Variants in CCNC observed in about 807,000 individuals in gnomAD.
The protein encoded by CCNC is cyclin-C.
A neutral mutation model predicts 50.0 loss-of-function variants in CCNC; 19 were observed. That is an observed-to-expected ratio of 0.38 (90% CI 0.27 to 0.56). The LOEUF (loss-of-function observed/expected upper bound fraction) is 0.56. Ranked by LOEUF, CCNC falls within the 20% of genes least tolerant of loss-of-function variation. The pLI is 0.72. For synonymous variants in CCNC, 93 were observed against 103.7 expected (o/e 0.90, Z 0.63); for missense variants, 200 against 327.1 (o/e 0.61, Z 3.00).
intron 9 of CCNC, among the ~76,000 whole-genome samples, chr6:99,546,979 C>T (rs1483072062): frequency 6.6e-6 from 1 of 152,070 alleles, no homozygotes. Flanking sequence ...GAAAGCTGGG[C>T]ACATCCTTAC....
intron 5 of CCNC, chr6:99,557,268 CTTTT>C (rs1222786331): frequency 6.6e-6 from 1 of 151,998 alleles, no homozygotes; most frequent in Non-Finnish European, 1.5e-5. Context: ...TTTCTGTCTT[CTTTT>C]TTTGTCCTTA....
chr6:99,563,036 C>G (rs1052800693), intron 1 of CCNC, 88 bp from the exon 2 acceptor site: 1 of 811,056 alleles, frequency 1.2e-6, no homozygotes, highest in Non-Finnish European at 2.0e-6. Flanking sequence ...CTGAGAAGTA[C>G]AAAGTGCAAA....
rs368522965 is a variant in CCNC at position 99,568,475 on chromosome 6, A to C, written c.32+21T>G. On this transcript the variant is annotated intron_variant, in intron 1 of 11. Coordinates refer to ENST00000520429, the MANE Select transcript of CCNC (RefSeq NM_005190.4). ...CTCCCCCAAAAACCGGCCCCAGGTG[A>C]GAAGACGGAAGATCGCTTACTAGTG... 8 of 1,610,484 alleles carry C rather than the reference A, an allele frequency of 5.0e-6. No individual in the cohort carries two copies. In the Admixed American group the frequency reaches 5.0e-5, roughly 10 times the overall value.
At chr6:99,561,789 C>A in intron 2 of CCNC, 108 bp from the exon 3 acceptor site, 1 of 727,988 alleles carries the variant, frequency 1.4e-6, no homozygotes, top group Non-Finnish European at 2.3e-6. Context: ...TCATTTTTAA[C>A]AAAGGAAAAA....
rs779765564 is a variant in CCNC, at chr6:99,558,079, A to G, written c.346+418T>C. Reference sequence around the variant, plus strand: ...AAGCAAGGCACTGTTCTAAAAGCTTATATTAACTCATTTGGTCCTCATAAC... The same window carrying G: ...AAGCAAGGCACTGTTCTAAAAGCTTGTATTAACTCATTTGGTCCTCATAAC... On this transcript the variant is annotated intron_variant, in intron 5 of 11. Transcript: ENST00000520429. 32 of 192,816 alleles carry G rather than the reference A, an allele frequency of 1.7e-4. No homozygotes were observed. In the Admixed American group the frequency reaches 1.7e-3, roughly 10 times the overall value. The allele number at this position is 192,816 out of a possible 1,614,324, so 11.9% of individuals were successfully genotyped here.
At chr6:99,562,077 T>C (rs1368885998) in intron 2 of CCNC, 1 of 153,786 alleles carries the variant, frequency 6.5e-6, no homozygotes, top group Non-Finnish European at 1.4e-5. Context: ...TTTGTTGTTT[T>C]GAGACAGAGT....
chr6:99,564,427 A>T, intron 1 of CCNC, among the ~76,000 whole-genome samples: 1 of 151,546 alleles, frequency 6.6e-6, no homozygotes, highest in Non-Finnish European at 1.5e-5. Flanking sequence ...TCTGTCAAAA[A>T]AAAAAAAAAA....
intron 5 of CCNC, chr6:99,557,253 TTA>T (rs1326055760): frequency 1.3e-5 from 2 of 152,184 alleles, no homozygotes; most frequent in Admixed American, 6.5e-5. Flanking sequence ...ATTAATATTT[TTA>T]TGTTTCTGTC....
Position 99,546,446 on chromosome 6 carries a change from C to G in CCNC, c.627G>C (p.Gln209His). The change falls in exon 10 of 12, where the codon CAG (glutamine) becomes CAC (histidine). Residue 209 changes from glutamine to histidine, a missense_variant. Coordinates refer to ENST00000520429, the MANE Select transcript of CCNC (RefSeq NM_005190.4). ...LACLHVACVV[Q>H]QKDARQWFAE... is the part of the protein sequence containing the mutation. ...CAAACCATTGCCTGGCATCTTTCTGCTGTACAACACAGGCTACATGTAGGC... is the reference window on the plus strand; with the variant it reads ...CAAACCATTGCCTGGCATCTTTCTGGTGTACAACACAGGCTACATGTAGGC... 1 of 1,613,354 alleles carries G rather than the reference C, an allele frequency of 6.2e-7. No homozygotes were observed. The highest frequency in any genetic ancestry group is 8.5e-7 in the Non-Finnish European group (1 of 1,179,392).
intron 1 of CCNC, among the ~76,000 whole-genome samples, chr6:99,564,190 C>T (rs548534691): frequency 1.3e-5 from 2 of 152,082 alleles, no homozygotes; most frequent in Admixed American, 6.6e-5. Flanking sequence ...TCTGGGAGGC[C>T]GAGGTGGGTG....
At position 99,568,636 on chromosome 6, in the gene CCNC, C is replaced by G. The variant is rs936332689; in HGVS notation, c.-109G>C. On this transcript the variant is annotated 5_prime_UTR_variant, in exon 1 of 12. Transcript: ENST00000520429. ...GCGCTCCTCGATCAAATCAGCTCGG[C>G]TCGACTCCGCTCCGCGGCGGCGACG... 7.1e-6 allele frequency: 11 copies of G among 1,540,822 alleles called. No individual in the cohort carries two copies. In the East Asian group the frequency reaches 2.7e-4, roughly 38 times the overall value.
At position 99,546,630 on chromosome 6, in the gene CCNC, A is replaced by G. The variant is rs141737331; in HGVS notation, c.599-156T>C. 3.3e-3 allele frequency among the ~76,000 whole-genome samples: 508 copies of G among 152,358 alleles called. 2 individuals are homozygous for G. The highest frequency in any genetic ancestry group is 3.8e-3 in the Non-Finnish European group (258 of 68,026). On this transcript the variant is annotated intron_variant, in intron 9 of 11. Transcript: ENST00000520429. ...AGAGTTACCACTGACCATCTCATCA[A>G]TGTAATCCGAGACAGAAAAAATTAC...
chr6:99,556,979 C>T (rs984643002), intron 5 of CCNC, among the ~76,000 whole-genome samples: 5 of 152,166 alleles, frequency 3.3e-5, no homozygotes, highest in Non-Finnish European at 5.9e-5. Context: ...CATTTAGCAT[C>T]GAAGGCCCTC....
chr6:99,551,934 G>A, intron 5 of CCNC, 39 bp from the exon 6 acceptor site: 1 of 1,296,224 alleles, frequency 7.7e-7, no homozygotes, highest in Non-Finnish European at 1.0e-6. Flanking sequence ...TGAGAAAATG[G>A]GAAATAAATT....
chr6:99,556,363 T>C (rs1469063762), intron 5 of CCNC, among the ~76,000 whole-genome samples: 1 of 152,232 alleles, frequency 6.6e-6, no homozygotes, highest in Non-Finnish European at 1.5e-5. Flanking sequence ...TACTGGCTTA[T>C]TTCACTTACC....
chr6:99,562,290 G>C (rs330864), intron 2 of CCNC: 130,044 of 152,444 alleles, frequency 0.85, 56,151 homozygotes, highest in East Asian at 0.98. Flanking sequence ...CTCCCAAAGT[G>C]CTAAGATTAC....
At chr6:99,565,404 T>G (rs1769082728) in intron 1 of CCNC, among the ~76,000 whole-genome samples, 1 of 152,090 alleles carries the variant, frequency 6.6e-6, no homozygotes, top group Non-Finnish European at 1.5e-5. Context: ...AAATTATACT[T>G]CTCTATCCAT....
At chr6:99,567,339 A>C (rs1769173926) in intron 1 of CCNC, among the ~76,000 whole-genome samples, 1 of 151,998 alleles carries the variant, frequency 6.6e-6, no homozygotes, top group Non-Finnish European at 1.5e-5. Flanking sequence ...CGATACTTTA[A>C]TTTTGCCCAA....
chr6:99,544,014 C>CA (rs58452257), intron 11 of CCNC: 15,696 of 1,021,706 alleles, frequency 0.015, 1 homozygote, highest in Non-Finnish European at 0.017. Flanking sequence ...AAGTGTTCTT[C>CA]AAAAAAAAAA....
Sources: gnomAD v4.1 joint callset for allele counts (sites outside exome capture counted in the v4.1 genomes callset) on GRCh38, gnomAD v4.1.1 for gene constraint, MANE v1.5 for transcripts, NCBI Gene and HGNC (gene_info 2026-07-23, HGNC 2026-07-21) for gene names.